CABP5: variants seen among roughly 807,000 people sequenced by gnomAD.
The protein encoded by CABP5 is calcium binding protein 5, also known as calcium-binding protein 5.
Under a neutral mutation model 21.9 loss-of-function variants are expected in CABP5, and 17 were observed. The observed-to-expected ratio is 0.78, with a 90% CI of 0.53 to 1.17. The LOEUF (loss-of-function observed/expected upper bound fraction) is 1.17, where lower values mean the gene tolerates loss of function less well. Among genes scored for constraint, CABP5 ranks in the 50% most tolerant of loss-of-function variants. The pLI is 0.00. For missense variants in CABP5, 229 were observed against 228.9 expected (o/e 1.00, Z 0.00); for synonymous variants, 85 against 79.4 (o/e 1.07, Z -0.37).
At chr19:48,041,818 C>T (rs1052967142) in intron 1 of CABP5, among the ~76,000 whole-genome samples, 4 of 152,012 alleles carry the variant, frequency 2.6e-5, no homozygotes, top group African/African-American at 4.8e-5. Context: ...CTCCCACCCA[C>T]GAATCCCAAT....
intron 3 of CABP5, among the ~76,000 whole-genome samples, chr19:48,040,245 C>T (rs1021309164): frequency 3.9e-5 from 6 of 152,320 alleles, no homozygotes; most frequent in Admixed American, 3.9e-4. Flanking sequence ...ACTTTAACTG[C>T]ATCAGCATCT....
chr19:48,038,189 A>G (rs1967434839), intron 4 of CABP5, among the ~76,000 whole-genome samples: 1 of 152,090 alleles, frequency 6.6e-6, no homozygotes, highest in African/African-American at 2.4e-5. Flanking sequence ...TGCTGGGATT[A>G]TGGGTGTGAG....
intron 4 of CABP5, among the ~76,000 whole-genome samples, chr19:48,036,797 C>T (rs1208989996): frequency 1.3e-5 from 2 of 152,104 alleles, no homozygotes; most frequent in Non-Finnish European, 2.9e-5. Flanking sequence ...ACAGCTATCT[C>T]TCTAAAGAAG....
intron 5 of CABP5, among the ~76,000 whole-genome samples, chr19:48,030,894 G>A (rs950521197): frequency 6.6e-6 from 1 of 150,836 alleles, no homozygotes. Flanking sequence ...TTGGGAGGCC[G>A]AGGTGGGCAG....
chr19:48,041,646 AC>A (rs1207171052), intron 1 of CABP5, 43 bp from the exon 2 acceptor site: 1 of 1,590,108 alleles, frequency 6.3e-7, no homozygotes, highest in Non-Finnish European at 8.6e-7. Flanking sequence ...AGAGAGGGTC[AC>A]CCATTCTCCA....
chr19:48,031,098 G>A (rs963560431), intron 5 of CABP5, among the ~76,000 whole-genome samples: 1 of 152,088 alleles, frequency 6.6e-6, no homozygotes, highest in East Asian at 1.9e-4. Context: ...GTATGTTGCA[G>A]TTTCTTCATT....
chr19:48,039,981 C>T (rs940624982), intron 3 of CABP5, among the ~76,000 whole-genome samples: 8 of 152,098 alleles, frequency 5.3e-5, no homozygotes, highest in African/African-American at 1.9e-4. Context: ...TCCCAGAGTG[C>T]TGGAATTACA....
At position 48,043,973 on chromosome 19, in the gene CABP5, T is replaced by A. The variant is rs774513853; in HGVS notation, c.-51A>T. On this transcript the variant is annotated 5_prime_UTR_variant, in exon 1 of 6. Coordinates refer to ENST00000293255, the MANE Select transcript of CABP5 (RefSeq NM_019855.5). Reference sequence around the variant, plus strand: ...GCACCAGTCTCAAGATGGCCCCTCCTCCCTGCTCCCTGTCGGAGCTCAGCC... The same window carrying A: ...GCACCAGTCTCAAGATGGCCCCTCCACCCTGCTCCCTGTCGGAGCTCAGCC... 17 of 1,450,984 alleles carry A rather than the reference T, an allele frequency of 1.2e-5. No homozygotes were observed. The highest frequency in any genetic ancestry group is 1.6e-5 in the Non-Finnish European group (17 of 1,087,426). The allele number at this position is 1,450,984 out of a possible 1,614,324, so 89.9% of individuals were successfully genotyped here.
At chr19:48,034,547 T>C (rs978791621) in intron 4 of CABP5, among the ~76,000 whole-genome samples, 185 bp from the exon 5 acceptor site, 2 of 147,228 alleles carry the variant, frequency 1.4e-5, no homozygotes, top group African/African-American at 2.5e-5. Context: ...TTTCTTTCTT[T>C]TTTTTTTTTT....
intron 3 of CABP5, among the ~76,000 whole-genome samples, chr19:48,040,025 A>G (rs551117095): frequency 4.6e-5 from 7 of 152,104 alleles, no homozygotes; most frequent in African/African-American, 1.2e-4. Flanking sequence ...CCCAGCCTCA[A>G]TAGGAATTTT....
chr19:48,038,963 C>CGTGTTT lies in CABP5; in HGVS notation c.348+239_348+244dup, dbSNP rs1435817438. ...TGCTTACTCCTAATGTGTTTGTGTGCGTGTTTTTGTTTTTGTTTGTTTGTT... is the reference window on the plus strand; with the variant it reads ...TGCTTACTCCTAATGTGTTTGTGTGCGTGTTTGTGTTTTTGTTTTTGTTTGTTTGTT... On this transcript the variant is annotated intron_variant, in intron 4 of 5. Coordinates refer to ENST00000293255, the MANE Select transcript of CABP5 (RefSeq NM_019855.5). 7.2e-5 allele frequency among the ~76,000 whole-genome samples: 11 copies of CGTGTTT among 151,962 alleles called. No homozygotes were observed. The East Asian group carries it at 2.1e-3, about 29-fold the overall frequency.
intron 4 of CABP5, among the ~76,000 whole-genome samples, chr19:48,036,913 A>T (rs1457058922): frequency 6.6e-6 from 1 of 152,222 alleles, no homozygotes; most frequent in Admixed American, 6.5e-5. Flanking sequence ...ATCTGTTAGG[A>T]TGGCTACTGT....
intron 3 of CABP5, among the ~76,000 whole-genome samples, chr19:48,040,298 G>A (rs1967463744): frequency 6.6e-6 from 1 of 152,196 alleles, no homozygotes; most frequent in African/African-American, 2.4e-5. Context: ...CATGAGGTAA[G>A]GAGAGAGGCA....
intron 1 of CABP5, among the ~76,000 whole-genome samples, chr19:48,043,123 C>T (rs1967503586): frequency 6.6e-6 from 1 of 151,968 alleles, no homozygotes; most frequent in Non-Finnish European, 1.5e-5. Flanking sequence ...GATCCTCCTG[C>T]CTCAGCCACC....
At chr19:48,039,170 CCTCTA>C (rs1485970744) in intron 4 of CABP5, 33 bp downstream of exon 4, 1 of 1,516,476 alleles carries the variant, frequency 6.6e-7, no homozygotes, top group African/African-American at 1.4e-5. Context: ...AGAGGGTCTG[CCTCTA>C]CCATCACCAG....
chr19:48,035,005 A>G (rs1967390628), intron 4 of CABP5, among the ~76,000 whole-genome samples: 1 of 152,102 alleles, frequency 6.6e-6, no homozygotes, highest in South Asian at 2.1e-4. Context: ...TTTTTAGGTG[A>G]TTTTTGAAAC....
At position 48,029,890 on chromosome 19, in the gene CABP5, G is replaced by A. The variant is rs537877583; in HGVS notation, c.*667C>T. The A allele has an allele frequency of 6.6e-6, 1 of 151,592 alleles. No individual in the cohort carries two copies. Among genetic ancestry groups the A allele is most frequent in the Admixed American group, 6.6e-5 (1 of 15,156 alleles). The allele number at this position is 151,592 out of a possible 1,614,324, so 9.4% of individuals were successfully genotyped here. Reference sequence around the variant, plus strand: ...GAAAAGGAAGGAGTTGACTTTGAATGCCACTTGCACGAGCCATTTCCAAGC... The same window carrying A: ...GAAAAGGAAGGAGTTGACTTTGAATACCACTTGCACGAGCCATTTCCAAGC... On this transcript the variant is annotated 3_prime_UTR_variant, in exon 6 of 6. Coordinates refer to ENST00000293255, the MANE Select transcript of CABP5 (RefSeq NM_019855.5).
intron 4 of CABP5, among the ~76,000 whole-genome samples, chr19:48,035,200 A>G (rs1967393379): frequency 6.6e-6 from 1 of 152,184 alleles, no homozygotes; most frequent in African/African-American, 2.4e-5. Flanking sequence ...TTCTGCATGT[A>G]ACATCATGTG....
intron 2 of CABP5, 91 bp downstream of exon 2, chr19:48,041,482 A>AC: frequency 8.3e-7 from 1 of 1,205,204 alleles, no homozygotes; most frequent in Non-Finnish European, 1.2e-6. Context: ...AATTCCATGT[A>AC]ATGGAATTTA....
Sources: gnomAD v4.1 joint callset for allele counts (sites outside exome capture counted in the v4.1 genomes callset) on GRCh38, gnomAD v4.1.1 for gene constraint, MANE v1.5 for transcripts, NCBI Gene and HGNC (gene_info 2026-07-23, HGNC 2026-07-21) for gene names.